Variants in SNX27 observed in about 807,000 individuals in gnomAD.
SNX27 encodes the protein sorting nexin 27, also known as sorting nexin-27.
SNX27 carries 22 observed loss-of-function variants against 71.6 expected under a neutral mutation model. The observed-to-expected ratio is 0.31, with a 90% CI of 0.22 to 0.44. The LOEUF (loss-of-function observed/expected upper bound fraction) is 0.44, where lower values mean the gene tolerates loss of function less well. SNX27 is among the 20% of genes least tolerant of loss of function. The pLI, the probability that SNX27 is intolerant of heterozygous loss-of-function variation, is 1.00. For missense variants in SNX27, 531 were observed against 698.6 expected, an observed-to-expected ratio of 0.76 and a Z score of 2.70; for synonymous variants, 269 against 277.2, an observed-to-expected ratio of 0.97 and a Z score of 0.29.
intron 1 of SNX27, among the ~76,000 whole-genome samples, chr1:151,618,398 G>A (rs920534364): frequency 6.6e-6 from 1 of 152,162 alleles, no homozygotes; most frequent in African/African-American, 2.4e-5. Flanking sequence ...TTCACAGGTA[G>A]TTGAGGTTGC....
At position 151,612,926 on chromosome 1, in the gene SNX27, C is replaced by A. The variant is rs564934034; in HGVS notation, c.311+414C>A. 2.0e-5 allele frequency among the ~76,000 whole-genome samples: 3 copies of A among 152,028 alleles called. No individual in the cohort carries two copies. The highest frequency in any genetic ancestry group is 2.9e-5 in the Non-Finnish European group (2 of 68,020). ...TGATCCAGCCAGTACCGTGTCCCCCCCAAGTTCTCATCTTCAGCATCGCAG... is the reference window on the plus strand; with the variant it reads ...TGATCCAGCCAGTACCGTGTCCCCCACAAGTTCTCATCTTCAGCATCGCAG... On this transcript the variant is annotated intron_variant, in intron 1 of 11. Transcript: ENST00000458013. The surrounding 1 kb of genome is among the most constrained non-coding windows in gnomAD (Gnocchi z 5.2).
chr1:151,651,069 C>T (rs1399808542), intron 2 of SNX27, among the ~76,000 whole-genome samples: 1 of 152,006 alleles, frequency 6.6e-6, no homozygotes, highest in Admixed American at 6.6e-5. Flanking sequence ...CTTTCTATTC[C>T]ACAAAGCCGC....
rs1381646239 is a variant in SNX27, at chr1:151,663,311, C to T, written c.906+1041C>T. 6.6e-5 allele frequency among the ~76,000 whole-genome samples: 10 copies of T among 151,962 alleles called. 1 individual carries two copies. Among genetic ancestry groups the T allele is most frequent in the South Asian group, 4.2e-4 (2 of 4,790 alleles). ...GACTACAGGCGCCCACCACCACGCC[C>T]GGCTAATTTTTTGTATTTTTGGTAG... On this transcript the variant is annotated intron_variant, in intron 5 of 11. Coordinates refer to ENST00000458013, the MANE Select transcript of SNX27 (RefSeq NM_001330723.2).
intron 2 of SNX27, among the ~76,000 whole-genome samples, chr1:151,650,069 C>T (rs1669254286): frequency 6.6e-6 from 1 of 151,844 alleles, no homozygotes; most frequent in Non-Finnish European, 1.5e-5. Flanking sequence ...TGTATTTTTA[C>T]TGGAGACAGG....
intron 8 of SNX27, 138 bp downstream of exon 8, chr1:151,683,583 G>GC: frequency 2.1e-6 from 1 of 486,062 alleles, no homozygotes; most frequent in Non-Finnish European, 3.7e-6. Flanking sequence ...TAGGGACCTT[G>GC]ATGCAAAGTC....
intron 4 of SNX27, 96 bp downstream of exon 4, chr1:151,660,958 C>T (rs1669940115): frequency 3.2e-6 from 3 of 934,008 alleles, no homozygotes; most frequent in Admixed American, 1.7e-5. Flanking sequence ...TTTCCATAAG[C>T]TCTCCAAAGG....
chr1:151,666,019 C>T lies in SNX27; in HGVS notation c.985+8C>T, dbSNP rs1370392842. The T allele has an allele frequency of 3.1e-6, 5 of 1,600,412 alleles. No individual in the cohort carries two copies. The highest frequency in any genetic ancestry group is 1.1e-5 in the South Asian group (1 of 90,010). ...TGATCAGTCACTCCTTTGGTAAGTA[C>T]CAGTGGCTGATACTAAGTTTTGTTT... On this transcript the variant is annotated splice_region_variant and intron_variant, in intron 6 of 11. Transcript: ENST00000458013.
chr1:151,661,245 A>C (rs1265590204), intron 4 of SNX27: 1 of 185,890 alleles, frequency 5.4e-6, no homozygotes, highest in Non-Finnish European at 1.2e-5. Context: ...TAAGAGCTAA[A>C]TCTTGACCAT....
intron 1 of SNX27, among the ~76,000 whole-genome samples, chr1:151,619,918 A>G (rs952190483): frequency 4.6e-5 from 7 of 152,236 alleles, no homozygotes; most frequent in Non-Finnish European, 7.3e-5. Flanking sequence ...GTGTAAAGCT[A>G]AACGAGGTAA....
In SNX27 at chr1:151,668,630, C is replaced by T. The variant is rs1298310803; in HGVS notation, c.1144C>T (p.His382Tyr). Residue 382 changes from histidine to tyrosine, a missense_variant, in exon 7 of 12, where the codon CAT (histidine) becomes TAT (tyrosine). Around this residue, in one of 5 missense-constraint regions of SNX27, gnomAD observed 184 missense variants for 289.6 expected, o/e 0.64. Transcript: ENST00000458013. ...TGACCTTGCTGTTACCTACTTCTTT[C>T]ATCAGGTAGGTGAATTGATCTTCTT... ...DNDLAVTYFF[H>Y]QAVDDVKKGY... 1.9e-6 allele frequency: 3 copies of T among 1,611,304 alleles called. No homozygotes were observed. The African/African-American group carries it at 4.0e-5, about 22-fold the overall frequency.
At chr1:151,677,316 T>G (rs563916545) in intron 7 of SNX27, 43 of 152,304 alleles carry the variant, frequency 2.8e-4, no homozygotes, top group African/African-American at 1.0e-3. Context: ...TTACGTGGTT[T>G]TATGTTTTAT....
Position 151,698,532 on chromosome 1 carries a change from CAG to C in SNX27, c.*4122_*4123del, listed in dbSNP as rs1279731223. The stretch of plus-strand genomic sequence containing the variant: ...TGGGAGGATGATGTGATAGAACACT[CAG>C]AGAGAGGGAGGGAGAAGAGAGATAG... On this transcript the variant is annotated 3_prime_UTR_variant, in exon 12 of 12. Coordinates refer to ENST00000458013, the MANE Select transcript of SNX27 (RefSeq NM_001330723.2). 6.6e-6 allele frequency: 1 copy of C among 152,312 alleles called. No homozygotes were observed. Among genetic ancestry groups the C allele is most frequent in the African/African-American group, 2.4e-5 (1 of 41,454 alleles). 9.4% of individuals were successfully genotyped at this position (152,312 alleles called of 1,614,324 possible). A position where few individuals can be genotyped will look rare whatever the true frequency, so the allele number is the denominator to read the frequency against.
At chr1:151,642,739 C>T (rs868245911) in intron 2 of SNX27, among the ~76,000 whole-genome samples, 13 of 151,820 alleles carry the variant, frequency 8.6e-5, no homozygotes, top group East Asian at 1.9e-4. Flanking sequence ...CCATGGTTCA[C>T]GCCATTCTCC....
At position 151,694,458 on chromosome 1, in the gene SNX27, T is replaced by C. The variant is rs2102747245; in HGVS notation, c.*41T>C. 1 of 1,532,276 alleles carries C rather than the reference T, an allele frequency of 6.5e-7. No individual in the cohort carries two copies. Among genetic ancestry groups the C allele is most frequent in the East Asian group, 2.5e-5 (1 of 40,678 alleles). The allele number at this position is 1,532,276 out of a possible 1,614,324, so 94.9% of individuals were successfully genotyped here. A position where few individuals can be genotyped will look rare whatever the true frequency, so the allele number is the denominator to read the frequency against. ...TTCCCTTCCCTTCACCCCCATCCTC[T>C]TACTCCTTTCATGTCCCATTTCAGA... On this transcript the variant is annotated 3_prime_UTR_variant, in exon 12 of 12. Coordinates refer to ENST00000458013, the MANE Select transcript of SNX27 (RefSeq NM_001330723.2).
chr1:151,637,449 A>AT (rs1343798151), intron 1 of SNX27, among the ~76,000 whole-genome samples: 1 of 152,086 alleles, frequency 6.6e-6, no homozygotes, highest in East Asian at 1.9e-4. Context: ...AAGTGCTGGG[A>AT]TTATAGGCTT....
intron 2 of SNX27, among the ~76,000 whole-genome samples, chr1:151,656,539 A>G (rs1183122720): frequency 3.3e-5 from 5 of 152,244 alleles, no homozygotes; most frequent in Admixed American, 1.3e-4. Context: ...ATAAATTGGT[A>G]CAACCACTTT....
rs1334470208 is a variant in SNX27 at position 151,665,924 on chromosome 1, TA to T, written c.907-7del. 6.3e-7 allele frequency: 1 copy of T among 1,595,186 alleles called. No individual in the cohort carries two copies. Among genetic ancestry groups the T allele is most frequent in the Non-Finnish European group, 8.6e-7 (1 of 1,168,000 alleles). ...TTTCTTGAAACCAATCTATCCTGTT[TA>T]ACCTTAGGCTATCGCAGCAAAGGTT... On this transcript the variant is annotated splice_region_variant and splice_polypyrimidine_tract_variant and intron_variant, in intron 5 of 11. Coordinates refer to ENST00000458013, the MANE Select transcript of SNX27 (RefSeq NM_001330723.2).
At chr1:151,655,575 C>T (rs1669646138) in intron 2 of SNX27, among the ~76,000 whole-genome samples, 1 of 152,186 alleles carries the variant, frequency 6.6e-6, no homozygotes, top group South Asian at 2.1e-4. Flanking sequence ...CCTCCCTGAG[C>T]TGCAGTTTAG....
chr1:151,658,878 G>T (rs994043600), intron 3 of SNX27, among the ~76,000 whole-genome samples: 3 of 151,928 alleles, frequency 2.0e-5, no homozygotes, highest in African/African-American at 4.8e-5. Context: ...TAGAGACAGG[G>T]TTTCACCATG....
Sources: allele counts gnomAD v4.1 joint callset (sites outside exome capture counted in the v4.1 genomes callset), GRCh38; gene constraint gnomAD v4.1.1; regional missense constraint gnomAD v4.1.1; non-coding constraint Gnocchi (gnomAD v3.1); transcripts MANE v1.5; gene names NCBI Gene and HGNC (gene_info 2026-07-23, HGNC 2026-07-21).